KIF13B: variants seen among roughly 807,000 people sequenced by gnomAD.
KIF13B encodes kinesin family member 13B, also known as kinesin-like protein KIF13B.
A neutral mutation model predicts 222.0 loss-of-function variants in KIF13B; 127 were observed. The observed-to-expected ratio is 0.57, with a 90% CI of 0.50 to 0.66. The LOEUF (loss-of-function observed/expected upper bound fraction) is 0.66. Among genes scored for constraint, KIF13B ranks in the 30% least tolerant of loss-of-function variants. KIF13B has a pLI of 0.00. For missense variants in KIF13B, 2,173 were observed against 2,379.0 expected, an observed-to-expected ratio of 0.91 and a Z score of 1.80; for synonymous variants, 976 against 919.0, an observed-to-expected ratio of 1.06 and a Z score of -1.12.
chr8:29,262,956 G>A, intron 1 of KIF13B, 24 bp downstream of exon 1: 1 of 1,552,050 alleles, frequency 6.4e-7, no homozygotes, highest in Non-Finnish European at 8.7e-7. Flanking sequence ...CCGCCCCGGC[G>A]GCCCAGGAGG....
At chr8:29,136,545 T>C (rs1810564974) in intron 21 of KIF13B, among the ~76,000 whole-genome samples, 1 of 151,686 alleles carries the variant, frequency 6.6e-6, no homozygotes, top group African/African-American at 2.4e-5. Context: ...ATCACGCCAT[T>C]GCACTCTAGC....
chr8:29,071,995 C>A lies in KIF13B; in HGVS notation c.4843G>T (p.Ala1615Ser). The change falls in exon 39 of 40, where the codon GCC (alanine) becomes TCC (serine). Residue 1615 changes from alanine (A) to serine (S), a missense_variant. By Grantham distance (99) the Ala-to-Ser change is moderately conservative (BLOSUM62 1). Transcript: ENST00000524189. The surrounding 1 kb of genome is among the most constrained non-coding windows in gnomAD (Gnocchi z 4.9). The stretch of plus-strand genomic sequence containing the variant: ...CCAGGGGGCTCCTCGGCGGGGACGG[C>A]CGTGGGCGGTGGGGGGTGGCTGATG... The part of the protein sequence containing the change: ...APISHPPPPT[A>S]VPAEEPPGPQ... 1 of 1,296,750 alleles carries A rather than the reference C, an allele frequency of 7.7e-7. No individual in the cohort carries two copies. The highest frequency in any genetic ancestry group is 2.2e-5 in the South Asian group (1 of 45,092). The allele number at this position is 1,296,750 out of a possible 1,614,324, so 80.3% of individuals were successfully genotyped here.
chr8:29,142,188 T>C lies in KIF13B; in HGVS notation c.2303A>G (p.Gln768Arg), dbSNP rs544708178. 1 of 1,613,594 alleles carries C rather than the reference T, an allele frequency of 6.2e-7. No homozygotes were observed. Among genetic ancestry groups the C allele is most frequent in the Admixed American group, 1.7e-5 (1 of 60,018 alleles). ...NRLLDMRDLY[Q>R]EWKECEEDNP... The stretch of plus-strand genomic sequence containing the variant: ...ATCTTCTTCACACTCTTTCCACTCC[T>C]GATAAAGGTCTCTCATATCCAACAG... Residue 768 changes from glutamine (Q) to arginine (R), a missense_variant, in exon 19 of 40, where the codon CAG becomes CGG. This residue lies in a region of KIF13B where 1,480 missense variants were observed against 1,722.8 expected (regional missense o/e 0.86). Coordinates refer to ENST00000524189, the MANE Select transcript of KIF13B (RefSeq NM_015254.4).
In KIF13B at chr8:29,180,142, T is replaced by C. The variant is rs1434174990; in HGVS notation, c.682A>G (p.Ile228Val). 1 of 1,613,894 alleles carries C rather than the reference T, an allele frequency of 6.2e-7. No homozygotes were observed. The highest frequency in any genetic ancestry group is 1.3e-5 in the African/African-American group (1 of 74,920). Reference sequence around the variant, plus strand: ...TCGTAGAGAGTATGTGTGAGGGTGATTTTGAAAACTGCATGGGATCGGCTA... The same window carrying C: ...TCGTAGAGAGTATGTGTGAGGGTGACTTTGAAAACTGCATGGGATCGGCTA... ...ESSRSHAVFKITLTHTLYDVK... is the reference protein window; with the variant it reads ...ESSRSHAVFKVTLTHTLYDVK... Residue 228 changes from isoleucine to valine, a missense_variant, in exon 8 of 40, where the codon ATC becomes GTC. Ile to Val is a conservative substitution (Grantham distance 29, BLOSUM62 3). Around this residue, in one of 2 missense-constraint regions of KIF13B, gnomAD observed 1,480 missense variants for 1,722.8 expected, o/e 0.86. Coordinates refer to ENST00000524189, the MANE Select transcript of KIF13B (RefSeq NM_015254.4).
Position 29,155,890 on chromosome 8 carries a change from T to C in KIF13B, c.1405-34A>G, listed in dbSNP as rs920949295. On this transcript the variant is annotated intron_variant, in intron 13 of 39. Transcript: ENST00000524189. ...AAACCAAATTCACTGATTAATACTG[T>C]ATTCTTACATATACACAATTGAAAT... is the stretch of plus-strand genomic sequence containing the variant. 2.7e-6 allele frequency: 4 copies of C among 1,458,882 alleles called. No homozygotes were observed. The Admixed American group carries it at 7.8e-5, about 28-fold the overall frequency. The allele number at this position is 1,458,882 out of a possible 1,614,324, so 90.4% of individuals were successfully genotyped here. A position where few individuals can be genotyped will look rare whatever the true frequency, so the allele number is the denominator to read the frequency against.
intron 2 of KIF13B, among the ~76,000 whole-genome samples, chr8:29,234,926 T>A (rs1815441186): frequency 6.6e-6 from 1 of 152,076 alleles, no homozygotes; most frequent in Non-Finnish European, 1.5e-5. Context: ...ACACAATGAA[T>A]CTGAATCTTT....
At chr8:29,099,531 CAT>C (rs879425461) in intron 35 of KIF13B, among the ~76,000 whole-genome samples, 1 of 152,144 alleles carries the variant, frequency 6.6e-6, no homozygotes, top group Non-Finnish European at 1.5e-5. Context: ...CATGCCACCA[CAT>C]GAGGCTAATC....
chr8:29,252,379 T>A (rs1184567881), intron 1 of KIF13B, among the ~76,000 whole-genome samples: 2 of 152,230 alleles, frequency 1.3e-5, no homozygotes, highest in East Asian at 3.8e-4. Flanking sequence ...GGGAAATGCA[T>A]CATTCTCAGT....
At chr8:29,170,176 G>C (rs993585444) in intron 10 of KIF13B, among the ~76,000 whole-genome samples, 2 of 152,208 alleles carry the variant, frequency 1.3e-5, no homozygotes, top group African/African-American at 4.8e-5. Flanking sequence ...AATCAGATGA[G>C]GTTTGTTTCA....
chr8:29,184,575 T>C (rs983760512), intron 6 of KIF13B, among the ~76,000 whole-genome samples: 1 of 152,192 alleles, frequency 6.6e-6, no homozygotes, highest in East Asian at 1.9e-4. Context: ...TCCTGAGCTA[T>C]GCAAATCCGA....
intron 37 of KIF13B, among the ~76,000 whole-genome samples, chr8:29,090,444 G>A (rs1808242107): frequency 6.6e-6 from 1 of 152,216 alleles, no homozygotes; most frequent in Admixed American, 6.5e-5. Context: ...TCCCAGGAGT[G>A]GATCGCGGAC....
intron 2 of KIF13B, among the ~76,000 whole-genome samples, chr8:29,202,451 G>A (rs1172938663): frequency 6.6e-6 from 1 of 152,116 alleles, no homozygotes; most frequent in Non-Finnish European, 1.5e-5. Context: ...CCAAGTAGCT[G>A]GGACTACAGG....
At chr8:29,176,395 G>C (rs1812479237) in intron 9 of KIF13B, among the ~76,000 whole-genome samples, 1 of 152,054 alleles carries the variant, frequency 6.6e-6, no homozygotes, top group Non-Finnish European at 1.5e-5. Context: ...ATATTTTGTA[G>C]TACATAAAAA....
Position 29,127,163 on chromosome 8 carries a change from C to G in KIF13B, c.3181G>C (p.Val1061Leu). The G allele has an allele frequency of 1.2e-6, 2 of 1,614,028 alleles. No individual in the cohort carries two copies. Among genetic ancestry groups the G allele is most frequent in the Non-Finnish European group, 1.7e-6 (2 of 1,179,872 alleles). The change falls in exon 25 of 40, where the codon GTT (valine) becomes CTT (leucine). Residue 1061 changes from valine (V) to leucine (L), a missense_variant. Physicochemically the swap from Val to Leu is conservative, Grantham distance 32 (BLOSUM62 1). Around this residue, in one of 2 missense-constraint regions of KIF13B, gnomAD observed 1,480 missense variants for 1,722.8 expected, o/e 0.86. Transcript: ENST00000524189. Reference protein sequence around the residue: ...ILSVGIGCVKVRPLRAPRTHE... With the variant: ...ILSVGIGCVKLRPLRAPRTHE... The stretch of plus-strand genomic sequence containing the variant: ...GTTCTGGGGGCTCTGAGCGGTCTAA[C>G]TTTGACACATCCAATGCCAACAGAC...
At position 29,181,544 on chromosome 8, in the gene KIF13B, T is replaced by G. The variant is rs150823518; in HGVS notation, c.585+375A>C. 4.7e-3 allele frequency among the ~76,000 whole-genome samples: 718 copies of G among 152,270 alleles called. 23 individuals carry two copies. Among genetic ancestry groups the G allele is most frequent in the Admixed American group, 0.043 (652 of 15,292 alleles). ...TCACAATTTTCTATTAGAAGAAGAA[T>G]GTTTACAAAAAAATTCACCATGATA... On this transcript the variant is annotated intron_variant, in intron 7 of 39. Transcript: ENST00000524189.
chr8:29,231,504 G>A (rs940873554), intron 2 of KIF13B, among the ~76,000 whole-genome samples: 5 of 152,186 alleles, frequency 3.3e-5, no homozygotes. Flanking sequence ...CAGGCCAAGC[G>A]TTTTGGTTAC....
At chr8:29,075,417 G>T in intron 37 of KIF13B, 74 bp from the exon 38 acceptor site, 1 of 1,377,572 alleles carries the variant, frequency 7.3e-7, no homozygotes, top group Non-Finnish European at 9.9e-7. Context: ...CGCTGCACAG[G>T]CTGGAGGGCC....
intron 14 of KIF13B, among the ~76,000 whole-genome samples, chr8:29,155,323 C>G (rs570887842): frequency 1.3e-5 from 2 of 152,190 alleles, no homozygotes; most frequent in East Asian, 3.8e-4. Context: ...CACAGGAGAA[C>G]ATGGCAGCAC....
intron 12 of KIF13B, 83 bp downstream of exon 12, chr8:29,165,579 C>G (rs1001309279): frequency 7.2e-6 from 6 of 829,458 alleles, no homozygotes; most frequent in East Asian, 2.5e-5. Flanking sequence ...AGCTGAAGAT[C>G]AAAAAGGAAC....
Sources: allele counts gnomAD v4.1 joint callset (sites outside exome capture counted in the v4.1 genomes callset), GRCh38; gene constraint gnomAD v4.1.1; regional missense constraint gnomAD v4.1.1; non-coding constraint Gnocchi (gnomAD v3.1); transcripts MANE v1.5; gene names NCBI Gene and HGNC (gene_info 2026-07-23, HGNC 2026-07-21).